The following FAM149B1 variants were observed in gnomAD, a reference collection of about 807,000 sequenced individuals.
FAM149B1 encodes the protein primary cilium assembly protein FAM149B1.
A neutral mutation model predicts 75.3 loss-of-function variants in FAM149B1; 56 were observed. The ratio of observed to expected loss-of-function variants is 0.74; its 90% CI spans 0.60 to 0.93. The LOEUF (loss-of-function observed/expected upper bound fraction) is 0.93, where lower values mean the gene tolerates loss of function less well. Ranked by LOEUF, FAM149B1 falls within the 40% of genes least tolerant of loss-of-function variation. The pLI is 0.00. For missense variants in FAM149B1, 639 were observed against 708.4 expected, an observed-to-expected ratio of 0.90 and a Z score of 1.11; for synonymous variants, 259 against 256.1, an observed-to-expected ratio of 1.01 and a Z score of -0.11.
chr10:73,176,513 T>A (rs1843970630), intron 2 of FAM149B1, among the ~76,000 whole-genome samples: 2 of 152,174 alleles, frequency 1.3e-5, no homozygotes, highest in Admixed American at 1.3e-4. Flanking sequence ...TTTTAAGTAA[T>A]AGAACAGGGA....
intron 5 of FAM149B1, among the ~76,000 whole-genome samples, chr10:73,195,171 T>C (rs2042773710): frequency 6.6e-6 from 1 of 152,242 alleles, no homozygotes; most frequent in African/African-American, 2.4e-5. Flanking sequence ...CAGTTTTACT[T>C]ATTTGATACC....
intron 11 of FAM149B1, 101 bp downstream of exon 11, chr10:73,235,041 T>C: frequency 6.8e-7 from 1 of 1,480,548 alleles, no homozygotes. Flanking sequence ...TACTGTGTTT[T>C]GTCAAAAGTA....
chr10:73,222,413 C>A (rs1285954153), intron 7 of FAM149B1, among the ~76,000 whole-genome samples: 4 of 152,102 alleles, frequency 2.6e-5, no homozygotes, highest in Non-Finnish European at 4.4e-5. Context: ...AAGTACTGTT[C>A]CCTTCTTTCA....
chr10:73,233,113 A>G lies in FAM149B1; in HGVS notation c.1302A>G (p.Ser434=), dbSNP rs759437374. Residue 434 remains serine, a synonymous_variant, in exon 10 of 14, where the codon TCA becomes TCG. Transcript: ENST00000242505. ...TTCATCCGATCAGCACGAGCCATTC[A>G]TGTGCTGAAACACCAAGATCTGTGG... is the stretch of plus-strand genomic sequence containing the variant. ...RTLHPISTSH[S]CAETPRSVEE... 5 of 1,551,786 alleles carry G rather than the reference A, an allele frequency of 3.2e-6. No individual in the cohort carries two copies. The highest frequency in any genetic ancestry group is 4.4e-6 in the Non-Finnish European group (5 of 1,146,996).
At position 73,243,759 on chromosome 10, in the gene FAM149B1, G is replaced by T. The variant is rs935445730; in HGVS notation, c.*2740G>T. 4 of 1,351,546 alleles carry T rather than the reference G, an allele frequency of 3.0e-6. No individual in the cohort carries two copies. The highest frequency in any genetic ancestry group is 2.0e-5 in the Admixed American group (1 of 50,052). 83.7% of individuals were successfully genotyped at this position (1,351,546 alleles called of 1,614,324 possible). A position where few individuals can be genotyped will look rare whatever the true frequency, so the allele number is the denominator to read the frequency against. ...GGTATGCGGTTATGTCTTAAAAGAA[G>T]AAAACAAAATACAACATTCCAAAGA... On this transcript the variant is annotated 3_prime_UTR_variant, in exon 14 of 14. Transcript: ENST00000242505.
chr10:73,174,833 C>G (rs893274181), intron 2 of FAM149B1, 42 bp downstream of exon 2: 3 of 1,352,570 alleles, frequency 2.2e-6, no homozygotes, highest in Middle Eastern at 3.6e-4. Flanking sequence ...TGCACTTGCT[C>G]ATGGCAGAGG....
intron 2 of FAM149B1, among the ~76,000 whole-genome samples, chr10:73,176,604 G>T (rs1843974200): frequency 6.6e-6 from 1 of 152,150 alleles, no homozygotes; most frequent in Non-Finnish European, 1.5e-5. Context: ...TATAATCATA[G>T]GCCGGGCGTG....
Position 73,205,191 on chromosome 10 carries a change from A to C in FAM149B1, c.543-3428A>C, listed in dbSNP as rs140096004. On this transcript the variant is annotated intron_variant, in intron 5 of 13. Transcript: ENST00000242505. ...TTGTCCTTGCCTAAATCTCATGTAG[A>C]ATTATAATCCCTAGTGCTGGAGGTG... Among the ~76,000 whole-genome samples, 728 of 151,808 alleles carry C rather than the reference A, an allele frequency of 4.8e-3. 1 individual carries two copies. Among genetic ancestry groups the C allele is most frequent in the Non-Finnish European group, 8.6e-3 (583 of 67,932 alleles).
At chr10:73,170,336 C>T (rs1219907057) in intron 1 of FAM149B1, among the ~76,000 whole-genome samples, 3 of 151,998 alleles carry the variant, frequency 2.0e-5, no homozygotes, top group African/African-American at 7.3e-5. Flanking sequence ...AACCCTGTCT[C>T]TACTAAAAAT....
intron 7 of FAM149B1, among the ~76,000 whole-genome samples, chr10:73,212,867 C>T (rs1589169826): frequency 6.6e-6 from 1 of 150,776 alleles, no homozygotes; most frequent in Non-Finnish European, 1.5e-5. Flanking sequence ...CTCTGTGTTT[C>T]TCTCTCTCTC....
chr10:73,168,337 A>AGGAGGAGGC lies in FAM149B1; in HGVS notation c.1_2insGGAGGCGGA. 6.5e-7 allele frequency: 1 copy of AGGAGGAGGC among 1,549,642 alleles called. No homozygotes were observed. The highest frequency in any genetic ancestry group is 8.7e-7 in the Non-Finnish European group (1 of 1,146,724). ...GAGGAGGAGGAGGAGGAGGAGGAGG[A>AGGAGGAGGC]GGATGATCTCCAGATACACTCGGAA... On this transcript the variant is annotated 5_prime_UTR_variant, in exon 1 of 14. Transcript: ENST00000242505.
At chr10:73,179,626 C>T (rs1480612370) in intron 3 of FAM149B1, among the ~76,000 whole-genome samples, 1 of 151,440 alleles carries the variant, frequency 6.6e-6, no homozygotes, top group African/African-American at 2.4e-5. Context: ...TGGCCTCAAG[C>T]AATTCTCCCA....
intron 3 of FAM149B1, chr10:73,183,444 G>A (rs1001259538): frequency 1.3e-5 from 2 of 152,166 alleles, no homozygotes; most frequent in African/African-American, 2.4e-5. Context: ...CACAGAGAAA[G>A]CTCTAGGCCC....
At chr10:73,215,168 A>C (rs1266832787) in intron 7 of FAM149B1, among the ~76,000 whole-genome samples, 1 of 151,882 alleles carries the variant, frequency 6.6e-6, no homozygotes, top group African/African-American at 2.4e-5. Flanking sequence ...TTATGGGTGC[A>C]CACCACCATA....
chr10:73,187,792 A>G (rs1365325482), intron 3 of FAM149B1, among the ~76,000 whole-genome samples: 1 of 151,838 alleles, frequency 6.6e-6, no homozygotes, highest in Non-Finnish European at 1.5e-5. Flanking sequence ...CATTAGTCAG[A>G]ACAGTGTGGG....
Position 73,233,163 on chromosome 10 carries a change from T to A in FAM149B1, c.1352T>A (p.Val451Asp). ...GAAGAAATCCTCAGAGGAGCCCGAG[T>A]GTAGGTTTCAAAAGCAGAACTTCTG... ...SVEEILRGAR[V>D]PVAPDSLSSP... The change falls in exon 10 of 14, where the codon GTC (valine) becomes GAC (aspartate). Residue 451 changes from valine to aspartate, a missense_variant and splice_region_variant. Val to Asp is a radical substitution (Grantham distance 152, BLOSUM62 -3). Coordinates refer to ENST00000242505, the MANE Select transcript of FAM149B1 (RefSeq NM_173348.2). 6.5e-7 allele frequency: 1 copy of A among 1,548,544 alleles called. No homozygotes were observed. Among genetic ancestry groups the A allele is most frequent in the Non-Finnish European group, 8.7e-7 (1 of 1,144,288 alleles).
chr10:73,233,070 A>G lies in FAM149B1; in HGVS notation c.1259A>G (p.Asn420Ser). ...SYTVQSTRRR[N>S]PPPRTLHPIS... ...ACAGTGCAGTCCACCAGGAGACGCA[A>G]TCCACCACCACGAACTCTTCATCCG... is the stretch of plus-strand genomic sequence containing the variant. Residue 420 changes from asparagine (N) to serine (S), a missense_variant, in exon 10 of 14, where the codon AAT becomes AGT. Coordinates refer to ENST00000242505, the MANE Select transcript of FAM149B1 (RefSeq NM_173348.2). 1 of 1,551,702 alleles carries G rather than the reference A, an allele frequency of 6.4e-7. No homozygotes were observed. Among genetic ancestry groups the G allele is most frequent in the Non-Finnish European group, 8.7e-7 (1 of 1,146,976 alleles).
intron 6 of FAM149B1, among the ~76,000 whole-genome samples, chr10:73,209,379 C>G (rs538649050): frequency 1.3e-5 from 2 of 152,000 alleles, no homozygotes; most frequent in Non-Finnish European, 2.9e-5. Flanking sequence ...ACCCGGGAGG[C>G]GGAGGTTGCA....
intron 2 of FAM149B1, among the ~76,000 whole-genome samples, chr10:73,175,978 G>A (rs1843947121): frequency 6.6e-6 from 1 of 152,060 alleles, no homozygotes; most frequent in Admixed American, 6.6e-5. Context: ...GTTTCAGGAT[G>A]ATTCAAGTGC....
Sources: allele counts gnomAD v4.1 joint callset (sites outside exome capture counted in the v4.1 genomes callset), GRCh38; gene constraint gnomAD v4.1.1; transcripts MANE v1.5; gene names NCBI Gene and HGNC (gene_info 2026-07-23, HGNC 2026-07-21).